SLC39A10: variants seen among roughly 807,000 people sequenced by gnomAD.
SLC39A10 encodes zinc transporter ZIP10.
A neutral mutation model predicts 65.1 loss-of-function variants in SLC39A10; 13 were observed. The observed-to-expected ratio is 0.20, with a 90% CI of 0.13 to 0.32. The LOEUF (loss-of-function observed/expected upper bound fraction) is 0.32. SLC39A10 is among the 10% of genes least tolerant of loss of function. The pLI, the probability that SLC39A10 is intolerant of heterozygous loss-of-function variation, is 1.00. For missense variants in SLC39A10, 831 were observed against 1,018.4 expected, an observed-to-expected ratio of 0.82 and a Z score of 2.50; for synonymous variants, 321 against 342.2, an observed-to-expected ratio of 0.94 and a Z score of 0.68.
At chr2:195,703,832 T>G (rs1333537297) in intron 3 of SLC39A10, among the ~76,000 whole-genome samples, 1 of 152,154 alleles carries the variant, frequency 6.6e-6, no homozygotes, top group Admixed American at 6.5e-5. Flanking sequence ...TTTTATATTT[T>G]TTGCAGAGAT....
At chr2:195,637,974 T>C (rs147433748) in intron 2 of SLC39A10, among the ~76,000 whole-genome samples, 3 of 152,244 alleles carry the variant, frequency 2.0e-5, no homozygotes, top group African/African-American at 7.2e-5. Flanking sequence ...CAATCCTGTA[T>C]TGGAGACTAG....
intron 2 of SLC39A10, among the ~76,000 whole-genome samples, chr2:195,624,025 G>A (rs1179345932): frequency 2.6e-5 from 4 of 151,504 alleles, no homozygotes; most frequent in African/African-American, 9.7e-5. Context: ...TTGTACTCAG[G>A]AATAAAATTA....
intron 2 of SLC39A10, among the ~76,000 whole-genome samples, chr2:195,633,833 C>A (rs962822049): frequency 6.6e-6 from 1 of 150,626 alleles, no homozygotes; most frequent in Non-Finnish European, 1.5e-5. Flanking sequence ...CTTCTGGGGT[C>A]TTTATAGACA....
At position 195,681,055 on chromosome 2, in the gene SLC39A10, G is replaced by A. The variant is rs770460001; in HGVS notation, c.1008+5G>A. The A allele has an allele frequency of 1.9e-6, 3 of 1,595,142 alleles. No individual in the cohort carries two copies. Among genetic ancestry groups the A allele is most frequent in the Non-Finnish European group, 2.6e-6 (3 of 1,169,898 alleles). On this transcript the variant is annotated splice_donor_5th_base_variant and intron_variant, in intron 2 of 9. Transcript: ENST00000359634. ...GAAGATGACCATCATCATGAAGTAA[G>A]TATAAAAAGATGTCCGATAGCTGCT...
At chr2:195,681,307 A>T (rs1225333543) in intron 2 of SLC39A10, among the ~76,000 whole-genome samples, 3 of 152,110 alleles carry the variant, frequency 2.0e-5, no homozygotes, top group Admixed American at 2.0e-4. Context: ...CGGGTAGATC[A>T]TGAGGTCGGG....
At chr2:195,657,013 G>A (rs1689166499), upstream of SLC39A10, 1 of 152,290 alleles carries the variant, frequency 6.6e-6, no homozygotes, top group Non-Finnish European at 1.5e-5. Context: ...TGGAATCCGT[G>A]AGTAGTGCGA....
In SLC39A10 at chr2:195,734,747, A is replaced by C. The variant is rs1692534697; in HGVS notation, c.2338-136A>C. On this transcript the variant is annotated intron_variant, in intron 9 of 9. Coordinates refer to ENST00000359634, the MANE Select transcript of SLC39A10 (RefSeq NM_020342.3). Reference sequence around the variant, plus strand: ...GACTAAAATACATCTGGTGGGTAGCATTGTGTTCAATAAAATAATTATTTT... The same window carrying C: ...GACTAAAATACATCTGGTGGGTAGCCTTGTGTTCAATAAAATAATTATTTT... 14 of 829,058 alleles carry C rather than the reference A, an allele frequency of 1.7e-5. 1 individual carries two copies. The South Asian group carries it at 2.5e-4, about 15-fold the overall frequency. The allele number at this position is 829,058 out of a possible 1,614,324, so 51.4% of individuals were successfully genotyped here. A position where few individuals can be genotyped will look rare whatever the true frequency, so the allele number is the denominator to read the frequency against.
intron 8 of SLC39A10, among the ~76,000 whole-genome samples, chr2:195,725,486 C>T (rs1692203667): frequency 6.6e-6 from 1 of 152,088 alleles, no homozygotes; most frequent in African/African-American, 2.4e-5. Context: ...TGCTGGATTT[C>T]AAATTGTGGG....
chr2:195,705,561 T>C (rs1409070077), intron 3 of SLC39A10, among the ~76,000 whole-genome samples: 1 of 152,206 alleles, frequency 6.6e-6, no homozygotes, highest in Non-Finnish European at 1.5e-5. Flanking sequence ...AATTTTGAGT[T>C]ATTTTGATGA....
chr2:195,706,536 A>T (rs911507985), intron 3 of SLC39A10, 80 bp from the exon 4 acceptor site: 1 of 1,339,640 alleles, frequency 7.5e-7, no homozygotes, highest in Admixed American at 2.0e-5. Context: ...CGATTCATTT[A>T]TCTTATATTT....
rs902567033 is a variant in SLC39A10, at chr2:195,735,917, A to T, written c.*876A>T. On this transcript the variant is annotated 3_prime_UTR_variant, in exon 10 of 10. Coordinates refer to ENST00000359634, the MANE Select transcript of SLC39A10 (RefSeq NM_020342.3). ...AAGAAATGAACCAGACGTGGTTTAAATAGTTGATTTTCCTATTTTAACAGT... is the reference window on the plus strand; with the variant it reads ...AAGAAATGAACCAGACGTGGTTTAATTAGTTGATTTTCCTATTTTAACAGT... The T allele has an allele frequency of 4.6e-5, 7 of 151,602 alleles. No individual in the cohort carries two copies. Among genetic ancestry groups the T allele is most frequent in the Non-Finnish European group, 8.8e-5 (6 of 67,982 alleles). The allele number at this position is 151,602 out of a possible 1,614,324, so 9.4% of individuals were successfully genotyped here.
chr2:195,700,319 A>G (rs1462796215), intron 3 of SLC39A10, among the ~76,000 whole-genome samples: 1 of 151,986 alleles, frequency 6.6e-6, no homozygotes, highest in Non-Finnish European at 1.5e-5. Context: ...AATGTCTTCC[A>G]TTGTATTTAG....
At chr2:195,678,562 G>GTTT (rs61430237) in intron 1 of SLC39A10, among the ~76,000 whole-genome samples, 1 of 128,032 alleles carries the variant, frequency 7.8e-6, no homozygotes, top group Non-Finnish European at 1.7e-5. Flanking sequence ...TTTTAGTTAG[G>GTTT]TTTTTTTTTT....
chr2:195,677,086 CTT>C (rs1411317697), intron 1 of SLC39A10, among the ~76,000 whole-genome samples: 2 of 152,082 alleles, frequency 1.3e-5, no homozygotes, highest in Non-Finnish European at 2.9e-5. Context: ...TTTTATAAAA[CTT>C]TGTATTGAAA....
At position 195,737,139 on chromosome 2, in the gene SLC39A10, C is replaced by A. The variant is rs1410185549; in HGVS notation, c.*2098C>A. On this transcript the variant is annotated 3_prime_UTR_variant, in exon 10 of 10. Coordinates refer to ENST00000359634, the MANE Select transcript of SLC39A10 (RefSeq NM_020342.3). The stretch of plus-strand genomic sequence containing the variant: ...TCTTTCTTTATTTGCTAGATTCTTA[C>A]AAATCTTTTAAGAGGGCTGTAACAG... The A allele has an allele frequency of 6.6e-6, 1 of 152,546 alleles. No individual in the cohort carries two copies. The highest frequency in any genetic ancestry group is 1.5e-5 in the Non-Finnish European group (1 of 68,028). 9.4% of individuals were successfully genotyped at this position (152,546 alleles called of 1,614,324 possible). A position where few individuals can be genotyped will look rare whatever the true frequency, so the allele number is the denominator to read the frequency against.
At chr2:195,618,730 C>G (rs1374608176) in intron 2 of SLC39A10, among the ~76,000 whole-genome samples, 1 of 152,038 alleles carries the variant, frequency 6.6e-6, no homozygotes, top group Non-Finnish European at 1.5e-5. Flanking sequence ...GTCCTGAATG[C>G]ATATTAAGCA....
At position 195,716,736 on chromosome 2, in the gene SLC39A10, T is replaced by G; in HGVS notation, c.1796T>G (p.Ile599Arg). ...QESPPKNYLCIEEEKIIDHSH... is the reference protein window; with the variant it reads ...QESPPKNYLCREEEKIIDHSH... ...TCCCCTCCTAAAAATTACCTTTGTA[T>G]AGAAGAGGAGAAAATCATAGACCAT... is the stretch of plus-strand genomic sequence containing the variant. The change falls in exon 7 of 10, where the codon ATA becomes AGA. Residue 599 changes from isoleucine (I) to arginine (R), a missense_variant. Physicochemically the swap from Ile to Arg is moderately conservative, Grantham distance 97. Around this residue, in one of 4 missense-constraint regions of SLC39A10, gnomAD observed 230 missense variants for 242.9 expected, o/e 0.95. Transcript: ENST00000359634. 1.2e-6 allele frequency: 2 copies of G among 1,614,196 alleles called. No individual in the cohort carries two copies. The highest frequency in any genetic ancestry group is 1.1e-5 in the South Asian group (1 of 91,088).
chr2:195,697,411 A>G (rs1691008085), intron 3 of SLC39A10, among the ~76,000 whole-genome samples: 1 of 152,012 alleles, frequency 6.6e-6, no homozygotes, highest in Non-Finnish European at 1.5e-5. Context: ...TTTCTGCAAT[A>G]TTTTGTAGTT....
At position 195,716,667 on chromosome 2, in the gene SLC39A10, G is replaced by A. The variant is rs377676975; in HGVS notation, c.1727G>A (p.Arg576Gln). ...GATGACTCGGTTGTTTCTGAAGATC[G>A]ACTTAATGAAACTGAACTGACAGAT... ...GTDDSVVSED[R>Q]LNETELTDLE... The change falls in exon 7 of 10, where the codon CGA (arginine) becomes CAA (glutamine). Residue 576 changes from arginine to glutamine, a missense_variant. Physicochemically the swap from Arg to Gln is conservative, Grantham distance 43. Transcript: ENST00000359634. 9 of 1,610,328 alleles carry A rather than the reference G, an allele frequency of 5.6e-6. No homozygotes were observed. Among genetic ancestry groups the A allele is most frequent in the African/African-American group, 5.4e-5 (4 of 74,738 alleles).
Sources: allele counts gnomAD v4.1 joint callset (sites outside exome capture counted in the v4.1 genomes callset), GRCh38; gene constraint gnomAD v4.1.1; regional missense constraint gnomAD v4.1.1; transcripts MANE v1.5; gene names NCBI Gene and HGNC (gene_info 2026-07-23, HGNC 2026-07-21).